The following WWOX variants were observed in gnomAD, a reference collection of about 807,000 sequenced individuals.
The protein encoded by WWOX is WW domain-containing oxidoreductase.
In WWOX, 69 loss-of-function variants were observed where a neutral mutation model predicts 46.2. The observed-to-expected ratio is 1.49, with a 90% CI of 1.23 to 1.82. The LOEUF is 1.82. Ranked by LOEUF, WWOX falls within the 40% of genes most tolerant of loss-of-function variation. WWOX has a pLI of 0.00. For synonymous variants in WWOX, 359 were observed against 202.6 expected (o/e 1.77, Z -6.56); for missense variants, 919 against 542.6 (o/e 1.69, Z -6.89).
intron 8 of WWOX, among the ~76,000 whole-genome samples, chr16:79,069,403 C>G (rs776284028): frequency 9.3e-4 from 141 of 152,264 alleles, no homozygotes; most frequent in Non-Finnish European, 1.1e-3. Context: ...CAGACAGGAC[C>G]TTTTTGTTAA....
intron 8 of WWOX, among the ~76,000 whole-genome samples, chr16:78,579,489 G>C (rs757115408): frequency 2.6e-5 from 4 of 152,082 alleles, no homozygotes; most frequent in African/African-American, 9.7e-5. Flanking sequence ...TATAAACCAG[G>C]GGGTAGGAAA....
At chr16:78,139,409 G>T (rs1037498555) in intron 4 of WWOX, among the ~76,000 whole-genome samples, 14 of 152,162 alleles carry the variant, frequency 9.2e-5, no homozygotes, top group Admixed American at 8.5e-4. Context: ...ACTTTGGGAG[G>T]CCAAGGCAGG....
At chr16:78,880,961 C>T (rs936229540) in intron 8 of WWOX, among the ~76,000 whole-genome samples, 24 of 147,918 alleles carry the variant, frequency 1.6e-4, no homozygotes, top group African/African-American at 6.0e-4. Context: ...GTCTATCTTT[C>T]GGTCCCCTAA....
intron 8 of WWOX, among the ~76,000 whole-genome samples, chr16:78,992,755 G>C (rs570608506): frequency 1.3e-5 from 2 of 152,106 alleles, no homozygotes; most frequent in Non-Finnish European, 2.9e-5. Flanking sequence ...CAGGGTCCCT[G>C]ACTCCCGGAG....
rs768457294 is a variant in WWOX, at chr16:78,432,617, G to T, written c.921G>T (p.Leu307=). The T allele has an allele frequency of 6.8e-6, 11 of 1,614,046 alleles. No homozygotes were observed. The highest frequency in any genetic ancestry group is 1.7e-5 in the Admixed American group (1 of 59,998). The change falls in exon 8 of 9, where the codon CTG becomes CTT. Residue 307 remains leucine (L), a synonymous_variant. Transcript: ENST00000566780. ...KLCNILFSNE[L]HRRLSPRGVT... is the part of the protein sequence containing the mutation. Reference sequence around the variant, plus strand: ...GCAACATCCTCTTCTCCAACGAGCTGCACCGTCGCCTCTCCCCACGCGGGG... The same window carrying T: ...GCAACATCCTCTTCTCCAACGAGCTTCACCGTCGCCTCTCCCCACGCGGGG...
At chr16:78,867,529 T>C (rs2044031817) in intron 8 of WWOX, among the ~76,000 whole-genome samples, 1 of 151,362 alleles carries the variant, frequency 6.6e-6, no homozygotes, top group Non-Finnish European at 1.5e-5. Flanking sequence ...TGTGTTTTGT[T>C]TTTTTGTGTG....
At chr16:78,741,011 C>T (rs1342270321) in intron 8 of WWOX, among the ~76,000 whole-genome samples, 1 of 152,120 alleles carries the variant, frequency 6.6e-6, no homozygotes. Flanking sequence ...AAGTGGGATA[C>T]ACCACGATGA....
At chr16:78,762,267 G>T (rs1486366679) in intron 8 of WWOX, among the ~76,000 whole-genome samples, 1 of 152,126 alleles carries the variant, frequency 6.6e-6, no homozygotes, top group Admixed American at 6.5e-5. Context: ...CACCCTCTTG[G>T]TACTCAAAGC....
chr16:78,224,727 T>G (rs1007857126), intron 5 of WWOX, among the ~76,000 whole-genome samples: 2 of 152,308 alleles, frequency 1.3e-5, no homozygotes, highest in South Asian at 4.1e-4. Flanking sequence ...CCAAATTGCT[T>G]TCTTGAAATA....
intron 5 of WWOX, among the ~76,000 whole-genome samples, chr16:78,379,903 G>A (rs1341572778): frequency 6.6e-6 from 1 of 152,210 alleles, no homozygotes; most frequent in East Asian, 1.9e-4. Context: ...GTAGGCATGA[G>A]ACGTTGCCTT....
intron 8 of WWOX, among the ~76,000 whole-genome samples, chr16:78,457,949 G>C (rs1202940037): frequency 6.7e-6 from 1 of 149,578 alleles, no homozygotes; most frequent in Admixed American, 6.6e-5. Flanking sequence ...GTAGTGGCAG[G>C]TGCCTGTAAT....
At chr16:78,702,056 GAAGTTTTATATATATATA>G (rs2048233071) in intron 8 of WWOX, among the ~76,000 whole-genome samples, 1 of 92,510 alleles carries the variant, frequency 1.1e-5, no homozygotes, top group Non-Finnish European at 2.1e-5. Context: ...AAATAATGCA[GAAGTTTTATATATATATA>G]AAGTTTTATA....
chr16:78,942,556 C>T (rs1445891337), intron 8 of WWOX, among the ~76,000 whole-genome samples: 1 of 152,074 alleles, frequency 6.6e-6, no homozygotes, highest in Non-Finnish European at 1.5e-5. Context: ...AATAAAAACC[C>T]ACCAGAATAC....
intron 8 of WWOX, among the ~76,000 whole-genome samples, chr16:78,555,406 A>C (rs1054160926): frequency 6.6e-5 from 10 of 152,130 alleles, no homozygotes; most frequent in African/African-American, 2.4e-4. Context: ...TGTGTATAGC[A>C]TACAGAGCTG....
intron 8 of WWOX, among the ~76,000 whole-genome samples, chr16:78,660,132 G>T (rs564359071): frequency 3.3e-5 from 5 of 152,126 alleles, no homozygotes; most frequent in Non-Finnish European, 7.3e-5. Context: ...CTGTTTCAGA[G>T]GGCCTTTCCC....
chr16:78,491,808 C>A (rs1003490189), intron 8 of WWOX, among the ~76,000 whole-genome samples: 2 of 152,124 alleles, frequency 1.3e-5, no homozygotes, highest in African/African-American at 4.8e-5. Context: ...TTTTAAATAA[C>A]TATCATTTGC....
At chr16:79,093,586 C>T (rs1382581502) in intron 8 of WWOX, among the ~76,000 whole-genome samples, 1 of 152,134 alleles carries the variant, frequency 6.6e-6, no homozygotes, top group Non-Finnish European at 1.5e-5. Context: ...CTTCACCTTC[C>T]CAGCAGGCCT....
chr16:78,756,296 G>T (rs757265553), intron 8 of WWOX, among the ~76,000 whole-genome samples: 1 of 151,910 alleles, frequency 6.6e-6, no homozygotes, highest in Non-Finnish European at 1.5e-5. Flanking sequence ...GTCAAAACTG[G>T]GTTTATCTAA....
At chr16:79,177,669 G>A (rs1263907546) in intron 8 of WWOX, among the ~76,000 whole-genome samples, 3 of 152,072 alleles carry the variant, frequency 2.0e-5, no homozygotes, top group Non-Finnish European at 4.4e-5. Flanking sequence ...TTCAGTTCTG[G>A]CTCATGCTTG....
Sources: allele counts gnomAD v4.1 joint callset (sites outside exome capture counted in the v4.1 genomes callset), GRCh38; gene constraint gnomAD v4.1.1; transcripts MANE v1.5; gene names NCBI Gene and HGNC (gene_info 2026-07-23, HGNC 2026-07-21).